The following SPAG17 variants were observed in gnomAD, a reference collection of about 807,000 sequenced individuals.
SPAG17 encodes sperm associated antigen 17.
SPAG17 carries 169 observed loss-of-function variants against 273.6 expected under a neutral mutation model. The ratio of observed to expected loss-of-function variants is 0.62; its 90% CI spans 0.55 to 0.70. The LOEUF is 0.70. Ranked by LOEUF, SPAG17 falls within the 30% of genes least tolerant of loss-of-function variation. The probability of loss-of-function intolerance (pLI) is 0.00; values close to 1 mark genes in which losing one functional copy is unlikely to be tolerated. For missense variants in SPAG17, 2,557 were observed against 2,627.8 expected, an observed-to-expected ratio of 0.97 and a Z score of 0.59; for synonymous variants, 825 against 873.2, an observed-to-expected ratio of 0.94 and a Z score of 0.97.
chr1:118,125,245 A>ATATATATATATTTT (rs146004766), intron 3 of SPAG17, among the ~76,000 whole-genome samples: 25 of 150,750 alleles, frequency 1.7e-4, no homozygotes, highest in African/African-American at 6.1e-4. Context: ...ATATATATAT[A>ATATATATATATTTT]TTTTTGACAT....
chr1:117,962,204 A>G (rs936805077), intron 48 of SPAG17: 3 of 152,188 alleles, frequency 2.0e-5, no homozygotes, highest in African/African-American at 7.2e-5. Context: ...GAGAACTTTT[A>G]TGATAAAGTG....
chr1:118,041,924 T>C lies in SPAG17; in HGVS notation c.2933A>G (p.Glu978Gly). The C allele has an allele frequency of 6.2e-7, 1 of 1,614,050 alleles. No individual in the cohort carries two copies. The highest frequency in any genetic ancestry group is 8.5e-7 in the Non-Finnish European group (1 of 1,179,938). ...TTTTTTCTTCAAAGACCTACTATCC[T>C]CTTTCTCTGCGTTATCCTTGCCTTT... Reference protein sequence around the residue: ...KKKGKDNAEKEDSRSLKKKSP... With the variant: ...KKKGKDNAEKGDSRSLKKKSP... The change falls in exon 21 of 49, where the codon GAG becomes GGG. Residue 978 changes from glutamate to glycine, a missense_variant. Physicochemically the swap from Glu to Gly is moderately conservative, Grantham distance 98 (BLOSUM62 -2). Transcript: ENST00000336338.
At chr1:118,103,517 A>G (rs978893413) in intron 4 of SPAG17, among the ~76,000 whole-genome samples, 9 of 152,158 alleles carry the variant, frequency 5.9e-5, no homozygotes, top group Non-Finnish European at 1.3e-4. Flanking sequence ...CAGCAACGAG[A>G]GCACAGGTAA....
intron 18 of SPAG17, among the ~76,000 whole-genome samples, chr1:118,062,728 C>T (rs79355769): frequency 0.019 from 2,893 of 152,000 alleles, 114 homozygotes; most frequent in East Asian, 0.15. Flanking sequence ...TTGACCAAGT[C>T]CTCAAAAATC....
Position 118,185,190 on chromosome 1 carries a change from TGGGCGCAGGCCCTGCCTA to T in SPAG17, c.-51_-34del. 1 of 1,565,406 alleles carries T rather than the reference TGGGCGCAGGCCCTGCCTA, an allele frequency of 6.4e-7. No individual in the cohort carries two copies. Among genetic ancestry groups the T allele is most frequent in the Non-Finnish European group, 8.8e-7 (1 of 1,135,608 alleles). On this transcript the variant is annotated 5_prime_UTR_variant, in exon 1 of 49. Transcript: ENST00000336338. ...ACGGGAGAAGCATTGGCCTCTAAAC[TGGGCGCAGGCCCTGCCTA>T]AGCGTCCCCGCTACCACAGTAACCG...
At chr1:118,117,979 G>A (rs1252878225) in intron 3 of SPAG17, among the ~76,000 whole-genome samples, 1 of 152,214 alleles carries the variant, frequency 6.6e-6, no homozygotes, top group African/African-American at 2.4e-5. Context: ...ATTCCCAAAA[G>A]AGGCGGAAAA....
chr1:118,044,247 G>T (rs747797883), intron 20 of SPAG17, among the ~76,000 whole-genome samples: 4 of 152,176 alleles, frequency 2.6e-5, no homozygotes, highest in Admixed American at 2.0e-4. Context: ...TCCACTTTGG[G>T]AGGCCAAGGC....
Position 118,053,759 on chromosome 1 carries a change from A to T in SPAG17, c.2814+243T>A, listed in dbSNP as rs189333972. Among the ~76,000 whole-genome samples the T allele has an allele frequency of 2.5e-4, 38 of 152,206 alleles. 1 individual carries two copies. The East Asian group carries it at 6.0e-3, about 24-fold the overall frequency. On this transcript the variant is annotated intron_variant, in intron 20 of 48. Coordinates refer to ENST00000336338, the MANE Select transcript of SPAG17 (RefSeq NM_206996.4). ...GAAACCATAATGGGAAAAAAATGAC[A>T]GCGTTTTTAAAAACCTTTTAAAAAT...
At chr1:118,051,005 T>A (rs1213560474) in intron 20 of SPAG17, among the ~76,000 whole-genome samples, 1 of 152,100 alleles carries the variant, frequency 6.6e-6, no homozygotes, top group Non-Finnish European at 1.5e-5. Flanking sequence ...GATAAGGAGT[T>A]AATATCTAAA....
Position 118,066,811 on chromosome 1 carries a change from G to A in SPAG17, c.2474C>T (p.Pro825Leu). The A allele has an allele frequency of 6.2e-7, 1 of 1,613,688 alleles. No homozygotes were observed. Among genetic ancestry groups the A allele is most frequent in the Non-Finnish European group, 8.5e-7 (1 of 1,179,726 alleles). Residue 825 changes from proline (P) to leucine (L), a missense_variant, in exon 18 of 49, where the codon CCA (proline) becomes CTA (leucine). Physicochemically the swap from Pro to Leu is moderately conservative, Grantham distance 98. Coordinates refer to ENST00000336338, the MANE Select transcript of SPAG17 (RefSeq NM_206996.4). ...DNSLLLVFHN[P>L]MNRQRLHCEY... ...ACAATGCAAACGTTGTCTATTCATTGGATTGTGAAAGACTAAAAGTAAAGA... is the reference window on the plus strand; with the variant it reads ...ACAATGCAAACGTTGTCTATTCATTAGATTGTGAAAGACTAAAAGTAAAGA...
chr1:118,092,544 T>C (rs911841125), intron 8 of SPAG17, among the ~76,000 whole-genome samples: 1 of 152,242 alleles, frequency 6.6e-6, no homozygotes, highest in Non-Finnish European at 1.5e-5. Flanking sequence ...TTGTACATCT[T>C]TGCCCCTGTC....
At chr1:118,089,773 T>C (rs767373104) in intron 10 of SPAG17, among the ~76,000 whole-genome samples, 11 of 152,192 alleles carry the variant, frequency 7.2e-5, no homozygotes, top group Non-Finnish European at 1.2e-4. Flanking sequence ...ATCTGTAAGA[T>C]GGGTGATACG....
intron 5 of SPAG17, among the ~76,000 whole-genome samples, chr1:118,100,064 C>T (rs1186875416): frequency 1.3e-5 from 2 of 152,106 alleles, no homozygotes; most frequent in Admixed American, 6.6e-5. Context: ...CTATATGGGG[C>T]TTGTGGTCAT....
chr1:117,957,104 T>G (rs1260785772), intron 48 of SPAG17: 3 of 1,608,118 alleles, frequency 1.9e-6, no homozygotes. Context: ...TGCCTTTCTC[T>G]TATGTCCCAG....
At position 117,963,865 on chromosome 1, in the gene SPAG17, C is replaced by G; in HGVS notation, c.6606G>C (p.Gln2202His). 3 of 1,613,982 alleles carry G rather than the reference C, an allele frequency of 1.9e-6. No individual in the cohort carries two copies. The highest frequency in any genetic ancestry group is 1.7e-6 in the Non-Finnish European group (2 of 1,179,872). The change falls in exon 48 of 49, where the codon CAG (glutamine) becomes CAC (histidine). Residue 2202 changes from glutamine (Q) to histidine (H), a missense_variant. Physicochemically the swap from Gln to His is conservative, Grantham distance 24 (BLOSUM62 0). Transcript: ENST00000336338. The part of the protein sequence containing the change: ...FPQGKENPMV[Q>H]RTSTIYSSTL... ...TGGAGGAATAAATTGTAGAAGTTCT[C>G]TGGACCATTGGATTTTCTTTTCCCT... is the stretch of plus-strand genomic sequence containing the variant.
intron 47 of SPAG17, chr1:117,966,092 T>A (rs969817811): frequency 6.6e-6 from 1 of 152,248 alleles, no homozygotes; most frequent in Non-Finnish European, 1.5e-5. Context: ...AGACTTTATT[T>A]CTGCTACAAA....
At chr1:118,022,430 A>AC (rs1647221682) in intron 28 of SPAG17, among the ~76,000 whole-genome samples, 2 of 84,086 alleles carry the variant, frequency 2.4e-5, no homozygotes, top group South Asian at 7.9e-4. Flanking sequence ...ACAAAATGAA[A>AC]CAAAACAAAC....
At chr1:117,960,943 C>G (rs1338576631) in intron 48 of SPAG17, 1 of 152,112 alleles carries the variant, frequency 6.6e-6, no homozygotes, top group African/African-American at 2.4e-5. Context: ...TCATCTGAAA[C>G]TTTTCTCATT....
chr1:118,094,158 C>G (rs914559298), intron 7 of SPAG17, among the ~76,000 whole-genome samples: 4 of 152,172 alleles, frequency 2.6e-5, no homozygotes, highest in East Asian at 1.9e-4. Flanking sequence ...GGCTGGCTTC[C>G]CATTCCCACT....
Sources: allele counts gnomAD v4.1 joint callset (sites outside exome capture counted in the v4.1 genomes callset), GRCh38; gene constraint gnomAD v4.1.1; transcripts MANE v1.5; gene names NCBI Gene and HGNC (gene_info 2026-07-23, HGNC 2026-07-21).